NRG1: variants seen among roughly 807,000 people sequenced by gnomAD.
NRG1 encodes the protein neuregulin 1.
In NRG1, 18 loss-of-function variants were observed where a neutral mutation model predicts 63.8. The ratio of observed to expected loss-of-function variants is 0.28; its 90% CI spans 0.19 to 0.42. The LOEUF is 0.42. Among genes scored for constraint, NRG1 ranks in the 10% least tolerant of loss-of-function variants. NRG1 has a pLI of 1.00. For missense variants in NRG1, 762 were observed against 814.7 expected (o/e 0.94, Z 0.79); for synonymous variants, 302 against 301.3 (o/e 1.00, Z -0.02).
chr8:31,696,234 T>C (rs971771233), intron 1 of NRG1, among the ~76,000 whole-genome samples: 9 of 152,106 alleles, frequency 5.9e-5, no homozygotes, highest in Non-Finnish European at 1.0e-4. Context: ...GTCCAGCTAA[T>C]TTTTGCATTT....
At chr8:31,973,532 C>A (rs927224953) in intron 1 of NRG1, among the ~76,000 whole-genome samples, 1 of 152,162 alleles carries the variant, frequency 6.6e-6, no homozygotes, top group Non-Finnish European at 1.5e-5. Context: ...CGTAAATATT[C>A]GTGATTTATT....
At chr8:32,696,294 C>G (rs760963973) in intron 5 of NRG1, among the ~76,000 whole-genome samples, 1 of 152,108 alleles carries the variant, frequency 6.6e-6, no homozygotes, top group East Asian at 1.9e-4. Context: ...TCCCTAGTTC[C>G]CTTAGAGAGG....
intron 1 of NRG1, among the ~76,000 whole-genome samples, chr8:31,654,906 A>C (rs949546017): frequency 6.6e-6 from 1 of 152,184 alleles, no homozygotes; most frequent in Non-Finnish European, 1.5e-5. Context: ...GCATCACTGC[A>C]CTCTAGCCTG....
At chr8:32,760,457 C>G (rs1421288398) in intron 11 of NRG1, 51 bp downstream of exon 11, 2 of 1,608,174 alleles carry the variant, frequency 1.2e-6, no homozygotes, top group East Asian at 2.2e-5. Flanking sequence ...GTCAGAGAAT[C>G]CCTGTGAGCA....
In NRG1 at chr8:32,548,833, G is replaced by A; in HGVS notation, c.100+7G>A. ...GCGGGCAGCCAGAGCCCAGGTGGGT[G>A]CGCAGCGCGGCCCGGGCCCCACGAT... On this transcript the variant is annotated splice_region_variant and intron_variant, in intron 1 of 11. Transcript: ENST00000356819. The A allele has an allele frequency of 3.9e-6, 6 of 1,555,312 alleles. No individual in the cohort carries two copies. Among genetic ancestry groups the A allele is most frequent in the Non-Finnish European group, 5.2e-6 (6 of 1,152,532 alleles).
chr8:32,628,730 G>T (rs527239687), intron 5 of NRG1, among the ~76,000 whole-genome samples: 2 of 147,644 alleles, frequency 1.4e-5, no homozygotes, highest in Non-Finnish European at 3.0e-5. Context: ...AAAACTTTCT[G>T]CCCTTTTTTT....
chr8:32,325,580 T>C (rs887366133), intron 1 of NRG1, among the ~76,000 whole-genome samples: 2 of 152,108 alleles, frequency 1.3e-5, no homozygotes, highest in South Asian at 4.1e-4. Flanking sequence ...GGTTTCACCA[T>C]GTTGACCAGG....
At chr8:31,974,090 G>A (rs749909273) in intron 1 of NRG1, among the ~76,000 whole-genome samples, 4 of 152,196 alleles carry the variant, frequency 2.6e-5, no homozygotes, top group Non-Finnish European at 5.9e-5. Flanking sequence ...TCTCCAAGAT[G>A]CTGAAACTTG....
chr8:32,026,193 G>A (rs890551182), intron 1 of NRG1: 1 of 151,064 alleles, frequency 6.6e-6, no homozygotes, highest in Non-Finnish European at 1.5e-5. Context: ...CTCAGACCCC[G>A]GAGTAGCCGG....
intron 1 of NRG1, among the ~76,000 whole-genome samples, chr8:32,423,357 C>G (rs1816932831): frequency 6.6e-6 from 1 of 152,164 alleles, no homozygotes; most frequent in African/African-American, 2.4e-5. Context: ...AAGGTCTGGT[C>G]TACATGAAAG....
intron 5 of NRG1, among the ~76,000 whole-genome samples, chr8:32,642,494 T>A (rs916321243): frequency 6.6e-6 from 1 of 152,158 alleles, no homozygotes; most frequent in African/African-American, 2.4e-5. Context: ...AGGGCATGTT[T>A]TTTGGATAGG....
At chr8:31,839,446 G>A (rs895735879) in intron 1 of NRG1, among the ~76,000 whole-genome samples, 1 of 152,060 alleles carries the variant, frequency 6.6e-6, no homozygotes, top group Non-Finnish European at 1.5e-5. Flanking sequence ...GTAGACCACT[G>A]TTCCACATGT....
intron 1 of NRG1, among the ~76,000 whole-genome samples, chr8:32,291,533 C>CTTTTTTTTTTTTTT (rs757839225): frequency 1.0e-5 from 1 of 98,038 alleles, no homozygotes; most frequent in African/African-American, 4.0e-5. Context: ...TTTTTATCCA[C>CTTTTTTTTTTTTTT]TTTTTTTTTT....
chr8:32,604,884 A>C (rs1844999172), intron 2 of NRG1, among the ~76,000 whole-genome samples: 1 of 152,224 alleles, frequency 6.6e-6, no homozygotes, highest in African/African-American at 2.4e-5. Context: ...GTTAAAAAAA[A>C]AAAGTGAATG....
At chr8:32,663,059 C>T (rs533856350) in intron 5 of NRG1, among the ~76,000 whole-genome samples, 3 of 152,308 alleles carry the variant, frequency 2.0e-5, no homozygotes, top group South Asian at 2.1e-4. Context: ...ACCCACAACA[C>T]GTGATGATGG....
At chr8:32,756,381 A>G in intron 8 of NRG1, 22 bp from the exon 9 acceptor site, 2 of 1,597,656 alleles carry the variant, frequency 1.3e-6, no homozygotes, top group Non-Finnish European at 1.7e-6. Context: ...AAAAAAATAA[A>G]TGCTCCCTTT....
chr8:32,156,374 T>A (rs1202841649), intron 1 of NRG1, among the ~76,000 whole-genome samples: 2 of 152,366 alleles, frequency 1.3e-5, no homozygotes, highest in Middle Eastern at 6.8e-3. Flanking sequence ...ATTATACTTA[T>A]CAGAGTCGTA....
intron 1 of NRG1, among the ~76,000 whole-genome samples, chr8:32,395,111 C>A (rs192834795): frequency 1.3e-5 from 2 of 152,204 alleles, no homozygotes; most frequent in African/African-American, 4.8e-5. Flanking sequence ...TAATGGTGAC[C>A]TTTTTCACGT....
downstream of NRG1, among the ~76,000 whole-genome samples, chr8:32,772,023 C>CGA (rs1564160117): frequency 4.0e-5 from 1 of 24,950 alleles, no homozygotes; most frequent in African/African-American, 1.4e-4. Flanking sequence ...AACTCCGTCT[C>CGA]AAAAAAAAAA....
Sources: gnomAD v4.1 joint callset for allele counts (sites outside exome capture counted in the v4.1 genomes callset) on GRCh38, gnomAD v4.1.1 for gene constraint, MANE v1.5 for transcripts, NCBI Gene and HGNC (gene_info 2026-07-23, HGNC 2026-07-21) for gene names.